The following HARS2 variants were observed in gnomAD, a reference collection of about 807,000 sequenced individuals.
The protein encoded by HARS2 is histidyl-tRNA synthetase 2, mitochondrial, also known as histidine--tRNA ligase, mitochondrial.
HARS2 carries 40 observed loss-of-function variants against 62.4 expected under a neutral mutation model. The observed-to-expected ratio is 0.64, with a 90% confidence interval of 0.50 to 0.83. The LOEUF is 0.83. Among genes scored for constraint, HARS2 ranks in the 40% least tolerant of loss-of-function variants. HARS2 has a pLI of 0.00. For missense variants in HARS2, 569 were observed against 626.4 expected, an observed-to-expected ratio of 0.91 and a Z score of 0.98; for synonymous variants, 228 against 227.0, an observed-to-expected ratio of 1.00 and a Z score of -0.04.
At chr5:140,694,161 G>A (rs775326420) in intron 3 of HARS2, 24 bp from the exon 4 acceptor site, 6 of 1,602,820 alleles carry the variant, frequency 3.7e-6, no homozygotes, top group Non-Finnish European at 5.1e-6. Context: ...TTCAACTGTG[G>A]CTCATTCTGT....
At position 140,694,652 on chromosome 5, in the gene HARS2, G is replaced by A. The variant is rs571981147; in HGVS notation, c.399+372G>A. ...AGGCTGAGGCAGGTGGATCACCTGAGGTCAGGAGTTCAAGACCAGCCTGGC... is the reference window on the plus strand; with the variant it reads ...AGGCTGAGGCAGGTGGATCACCTGAAGTCAGGAGTTCAAGACCAGCCTGGC... On this transcript the variant is annotated intron_variant, in intron 4 of 12. Coordinates refer to ENST00000230771, the MANE Select transcript of HARS2 (RefSeq NM_012208.4). 3.9e-3 allele frequency among the ~76,000 whole-genome samples: 598 copies of A among 152,128 alleles called. 2 individuals carry two copies. The highest frequency in any genetic ancestry group is 0.014 in the African/African-American group (575 of 41,492).
intron 4 of HARS2, among the ~76,000 whole-genome samples, chr5:140,694,832 G>A (rs1170071536): frequency 6.6e-6 from 1 of 152,162 alleles, no homozygotes; most frequent in African/African-American, 2.4e-5. Flanking sequence ...TGTAATCCCA[G>A]CTACTAGGGA....
chr5:140,696,970 T>C lies in HARS2; in HGVS notation c.854T>C (p.Phe285Ser). Residue 285 changes from phenylalanine (F) to serine (S), a missense_variant, in exon 9 of 13, where the codon TTT becomes TCT. Coordinates refer to ENST00000230771, the MANE Select transcript of HARS2 (RefSeq NM_012208.4). ...HGGVSLVEQMFQDPRLSQNKQ... is the reference protein window; with the variant it reads ...HGGVSLVEQMSQDPRLSQNKQ... Reference sequence around the variant, plus strand: ...GGGGTATCCCTAGTAGAGCAAATGTTTCAGGATCCCAGACTATCCCAGAAC... The same window carrying C: ...GGGGTATCCCTAGTAGAGCAAATGTCTCAGGATCCCAGACTATCCCAGAAC... 2 of 1,613,920 alleles carry C rather than the reference T, an allele frequency of 1.2e-6. No homozygotes were observed. The highest frequency in any genetic ancestry group is 8.5e-7 in the Non-Finnish European group (1 of 1,179,938).
rs1759445435 is a variant in HARS2, at chr5:140,691,474, G to A, written c.-175G>A. On this transcript the variant is annotated 5_prime_UTR_variant, in exon 1 of 13. Transcript: ENST00000230771. ...GGAAGTGCCGAAGCTGGCTACTAAG[G>A]GAACTTGGGAGGATCCCACCTCAGC... 1 of 708,888 alleles carries A rather than the reference G, an allele frequency of 1.4e-6. No individual in the cohort carries two copies. Among genetic ancestry groups the A allele is most frequent in the African/African-American group, 1.8e-5 (1 of 56,792 alleles). 43.9% of individuals were successfully genotyped at this position (708,888 alleles called of 1,614,324 possible).
chr5:140,698,947 A>G lies in HARS2; in HGVS notation c.*395A>G, dbSNP rs1759874707. On this transcript the variant is annotated 3_prime_UTR_variant, in exon 13 of 13. Transcript: ENST00000230771. ...CCTTCTACTGTAGCTACGGAACCAG[A>G]TTCTGGTGAATTTGTCCACAATCAG... 4 of 292,644 alleles carry G rather than the reference A, an allele frequency of 1.4e-5. No individual in the cohort carries two copies. The highest frequency in any genetic ancestry group is 2.7e-5 in the Non-Finnish European group (4 of 149,868). 18.1% of individuals were successfully genotyped at this position (292,644 alleles called of 1,614,324 possible).
At chr5:140,696,329 C>T in intron 7 of HARS2, 128 bp downstream of exon 7, 1 of 821,566 alleles carries the variant, frequency 1.2e-6, no homozygotes, top group Non-Finnish European at 2.1e-6. Context: ...GGTAAGGAGG[C>T]ATACTCTGAA....
chr5:140,693,845 G>A, intron 2 of HARS2, 90 bp from the exon 3 acceptor site: 1 of 1,473,228 alleles, frequency 6.8e-7, no homozygotes, highest in Non-Finnish European at 9.5e-7. Context: ...CTCCAGACCT[G>A]AGATTACATA....
Position 140,693,992 on chromosome 5 carries a change from G to T in HARS2, c.241G>T (p.Val81Phe), listed in dbSNP as rs1265472164. 6.2e-7 allele frequency: 1 copy of T among 1,613,958 alleles called. No homozygotes were observed. Among genetic ancestry groups the T allele is most frequent in the African/African-American group, 1.3e-5 (1 of 74,924 alleles). Residue 81 changes from valine to phenylalanine, a missense_variant, in exon 3 of 13, where the codon GTT (valine) becomes TTT (phenylalanine). Transcript: ENST00000230771. ...MVVREKILDL[V>F]ISCFKRHGAK... is the part of the protein sequence containing the mutation. Reference sequence around the variant, plus strand: ...TGTGAGGGAGAAAATTCTTGATTTGGTTATCAGCTGCTTTAAACGTCATGG... The same window carrying T: ...TGTGAGGGAGAAAATTCTTGATTTGTTTATCAGCTGCTTTAAACGTCATGG...
chr5:140,696,664 A>G (rs892058870), intron 8 of HARS2, 50 bp downstream of exon 8: 2 of 1,236,274 alleles, frequency 1.6e-6, no homozygotes, highest in Non-Finnish European at 2.4e-6. Flanking sequence ...TGAAGGTGAC[A>G]TGTGCTCAAA....
chr5:140,692,525 A>G (rs1299857028), intron 1 of HARS2, among the ~76,000 whole-genome samples: 1 of 152,196 alleles, frequency 6.6e-6, no homozygotes, highest in Admixed American at 6.5e-5. Flanking sequence ...TGTGTCCTTG[A>G]GCTGGTTCCC....
chr5:140,696,409 A>G, intron 7 of HARS2, 112 bp from the exon 8 acceptor site: 1 of 883,172 alleles, frequency 1.1e-6, no homozygotes. Flanking sequence ...GACTTTGCTG[A>G]GTATACAGTT....
At position 140,697,021 on chromosome 5, in the gene HARS2, A is replaced by C; in HGVS notation, c.905A>C (p.Asp302Ala). ...AAGCAGGCCCTGGAGGGCCTGGGAG[A>C]CCTAAAGCTGCTATTTGAATACCTG... ...QNKQALEGLG[D>A]LKLLFEYLTL... The change falls in exon 9 of 13, where the codon GAC becomes GCC. Residue 302 changes from aspartate (D) to alanine (A), a missense_variant. Coordinates refer to ENST00000230771, the MANE Select transcript of HARS2 (RefSeq NM_012208.4). 1 of 1,614,058 alleles carries C rather than the reference A, an allele frequency of 6.2e-7. No homozygotes were observed. Among genetic ancestry groups the C allele is most frequent in the East Asian group, 2.2e-5 (1 of 44,888 alleles).
Position 140,697,568 on chromosome 5 carries a change from G to T in HARS2, c.1198-1G>T. ...AGTTTTACTTTCTTCTCTCTTATTA[G>T]ACCAAAGGTGAGAAGGTGCGGACTA... On this transcript the variant is annotated splice_acceptor_variant, in intron 10 of 12. Transcript: ENST00000230771. LOFTEE classifies it high-confidence loss of function. 2 of 1,610,068 alleles carry T rather than the reference G, an allele frequency of 1.2e-6. No individual in the cohort carries two copies. Among genetic ancestry groups the T allele is most frequent in the South Asian group, 2.2e-5 (2 of 90,968 alleles).
chr5:140,698,275 A>G (rs994447394), intron 12 of HARS2, among the ~76,000 whole-genome samples, 197 bp downstream of exon 12: 2 of 152,174 alleles, frequency 1.3e-5, no homozygotes, highest in African/African-American at 4.8e-5. Context: ...TGAAATCCGA[A>G]TGGGTATTTT....
chr5:140,695,546 G>C lies in HARS2; in HGVS notation c.438G>C (p.Lys146Asn). ...GTTATCTGGCCATGAATAAGGTGAAGAAGATGAAACGTTATCATGTTGGAA... is the reference window on the plus strand; with the variant it reads ...GTTATCTGGCCATGAATAAGGTGAACAAGATGAAACGTTATCATGTTGGAA... ...FARYLAMNKV[K>N]KMKRYHVGKV... The change falls in exon 5 of 13, where the codon AAG becomes AAC. Residue 146 changes from lysine to asparagine, a missense_variant. Transcript: ENST00000230771. The C allele has an allele frequency of 6.2e-7, 1 of 1,614,182 alleles. No individual in the cohort carries two copies. The highest frequency in any genetic ancestry group is 8.5e-7 in the Non-Finnish European group (1 of 1,180,016).
At position 140,691,580 on chromosome 5, in the gene HARS2, C is replaced by G. The variant is rs1471338744; in HGVS notation, c.-69C>G. 1 of 1,063,966 alleles carries G rather than the reference C, an allele frequency of 9.4e-7. No homozygotes were observed. 65.9% of individuals were successfully genotyped at this position (1,063,966 alleles called of 1,614,324 possible). A position where few individuals can be genotyped will look rare whatever the true frequency, so the allele number is the denominator to read the frequency against. On this transcript the variant is annotated 5_prime_UTR_variant, in exon 1 of 13. Transcript: ENST00000230771. The stretch of plus-strand genomic sequence containing the variant: ...GCCTTTGCAGTGCCCTCCACCCTTC[C>G]TGGTGTCTGACCCGCCTCCTTCCCA...
chr5:140,691,993 T>C, intron 1 of HARS2: 1 of 585,454 alleles, frequency 1.7e-6, no homozygotes, highest in Non-Finnish European at 3.1e-6. Flanking sequence ...CAAGATTAAA[T>C]GAATGACTTA....
chr5:140,694,344 A>G (rs983026856), intron 4 of HARS2, 64 bp downstream of exon 4: 17 of 1,107,520 alleles, frequency 1.5e-5, no homozygotes, highest in Middle Eastern at 2.1e-4. Context: ...TTCTCTGACA[A>G]AAGTGGAGAA....
At position 140,697,960 on chromosome 5, in the gene HARS2, A is replaced by G. The variant is rs761684556; in HGVS notation, c.1343A>G (p.Lys448Arg). The G allele has an allele frequency of 5.6e-6, 9 of 1,614,054 alleles. No homozygotes were observed. The East Asian group carries it at 6.7e-5, about 12-fold the overall frequency. ...GAGATGCTATACAAGAACAACCCCA[A>G]ACTATTAACCCAGCTGCACTATTGT... is the stretch of plus-strand genomic sequence containing the variant. ...KAEMLYKNNPKLLTQLHYCES... is the reference protein window; with the variant it reads ...KAEMLYKNNPRLLTQLHYCES... The change falls in exon 12 of 13, where the codon AAA (lysine) becomes AGA (arginine). Residue 448 changes from lysine to arginine, a missense_variant. Physicochemically the swap from Lys to Arg is conservative, Grantham distance 26. Transcript: ENST00000230771.
Sources: gnomAD v4.1 joint callset for allele counts (sites outside exome capture counted in the v4.1 genomes callset) on GRCh38, gnomAD v4.1.1 for gene constraint, MANE v1.5 for transcripts, NCBI Gene and HGNC (gene_info 2026-07-23, HGNC 2026-07-21) for gene names.